Variants in EIF3H observed in about 807,000 individuals in gnomAD.
The protein encoded by EIF3H is eIF-3-gamma.
In EIF3H, 26 loss-of-function variants were observed where a neutral mutation model predicts 44.2. The ratio of observed to expected loss-of-function variants is 0.59; its 90% CI spans 0.43 to 0.82. The LOEUF (loss-of-function observed/expected upper bound fraction) is 0.82. Ranked by LOEUF, EIF3H falls within the 40% of genes least tolerant of loss-of-function variation. EIF3H has a pLI of 0.00. For missense variants in EIF3H, 359 were observed against 432.8 expected, an observed-to-expected ratio of 0.83 and a Z score of 1.51; for synonymous variants, 166 against 151.9, an observed-to-expected ratio of 1.09 and a Z score of -0.68.
At chr8:116,691,824 A>G (rs1814180441) in intron 2 of EIF3H, among the ~76,000 whole-genome samples, 1 of 150,710 alleles carries the variant, frequency 6.6e-6, no homozygotes, top group Admixed American at 6.7e-5. Flanking sequence ...GCAAGCAGAG[A>G]TCACGCCACT....
intron 2 of EIF3H, among the ~76,000 whole-genome samples, chr8:116,678,528 C>T (rs1274821629): frequency 8.5e-4 from 127 of 149,954 alleles, no homozygotes; most frequent in African/African-American, 2.9e-3. Flanking sequence ...GCCCGGCCGC[C>T]ATCCCATCTA....
intron 2 of EIF3H, among the ~76,000 whole-genome samples, chr8:116,684,117 A>G (rs1015504416): frequency 3.9e-5 from 6 of 152,222 alleles, no homozygotes; most frequent in Non-Finnish European, 7.3e-5. Flanking sequence ...TTTCTGCAAA[A>G]AGAACTAGTC....
chr8:116,681,015 G>A (rs1325918382), intron 2 of EIF3H, among the ~76,000 whole-genome samples: 11 of 150,962 alleles, frequency 7.3e-5, no homozygotes, highest in Admixed American at 2.0e-4. Context: ...AATAATGATC[G>A]TGATGAGGAT....
chr8:116,748,555 ACAC>A lies in EIF3H; in HGVS notation c.132+7108_132+7110del, dbSNP rs568271946. 1.6e-3 allele frequency among the ~76,000 whole-genome samples: 248 copies of A among 152,342 alleles called. 1 individual carries two copies. Among genetic ancestry groups the A allele is most frequent in the African/African-American group, 5.4e-3 (224 of 41,570 alleles). On this transcript the variant is annotated intron_variant, in intron 1 of 7. Coordinates refer to ENST00000521861, the MANE Select transcript of EIF3H (RefSeq NM_003756.3). ...ATGATTGATTTTCAAGAAAATTTCC[ACAC>A]AACAGGAGTATATTCATTCATTCAC... is the stretch of plus-strand genomic sequence containing the variant.
intron 2 of EIF3H, among the ~76,000 whole-genome samples, chr8:116,715,611 C>T (rs10505287): frequency 0.89 from 135,245 of 152,154 alleles, 60,407 homozygotes; most frequent in African/African-American, 0.96. Flanking sequence ...TTGGCTCTGA[C>T]GCAAAATAAA....
At chr8:116,690,582 T>C (rs1814157553) in intron 2 of EIF3H, among the ~76,000 whole-genome samples, 1 of 152,126 alleles carries the variant, frequency 6.6e-6, no homozygotes. Flanking sequence ...GCTAAGGCAC[T>C]TACTGAAAAG....
At chr8:116,750,025 T>C (rs1424163386) in intron 1 of EIF3H, among the ~76,000 whole-genome samples, 1 of 152,290 alleles carries the variant, frequency 6.6e-6, no homozygotes, top group Non-Finnish European at 1.5e-5. Context: ...AATCTCTGGG[T>C]TCATCTACAT....
At chr8:116,688,626 C>G (rs987379054) in intron 2 of EIF3H, among the ~76,000 whole-genome samples, 13 of 152,064 alleles carry the variant, frequency 8.5e-5, no homozygotes, top group Non-Finnish European at 1.5e-4. Flanking sequence ...TACTGGCTAC[C>G]TGAAAATAAG....
Position 116,719,144 on chromosome 8 carries a change from C to T in EIF3H, c.289+6872G>A, listed in dbSNP as rs1814702621. ...ATTGGATCACATCACAATTCACTGT[C>T]TTTGTGAGGACAACGGATTGAGAAA... is the stretch of plus-strand genomic sequence containing the variant. On this transcript the variant is annotated intron_variant, in intron 2 of 7. Transcript: ENST00000521861. 2.0e-5 allele frequency among the ~76,000 whole-genome samples: 3 copies of T among 152,170 alleles called. No homozygotes were observed. The South Asian group carries it at 6.2e-4, about 32-fold the overall frequency.
upstream of EIF3H, among the ~76,000 whole-genome samples, chr8:116,760,396 G>A (rs1210220808): frequency 6.6e-6 from 1 of 152,178 alleles, no homozygotes; most frequent in Non-Finnish European, 1.5e-5. Context: ...GAAGAGCTAG[G>A]TAATTTGTTC....
intron 2 of EIF3H, among the ~76,000 whole-genome samples, chr8:116,690,650 T>C (rs16888650): frequency 0.053 from 8,074 of 152,286 alleles, 715 homozygotes; most frequent in African/African-American, 0.18. Flanking sequence ...CTAATCCTTG[T>C]AGACTGCTAT....
At chr8:116,726,845 G>C (rs1814850074) in intron 1 of EIF3H, among the ~76,000 whole-genome samples, 2 of 152,102 alleles carry the variant, frequency 1.3e-5, no homozygotes, top group Non-Finnish European at 2.9e-5. Flanking sequence ...CCGTGCACAG[G>C]TGGACAAGAA....
chr8:116,711,696 T>C (rs1814574932), intron 2 of EIF3H, among the ~76,000 whole-genome samples: 1 of 152,224 alleles, frequency 6.6e-6, no homozygotes, highest in Non-Finnish European at 1.5e-5. Context: ...GATACACAGT[T>C]ACGTAAATAT....
At chr8:116,652,824 T>G (rs1813418132) in intron 5 of EIF3H, among the ~76,000 whole-genome samples, 1 of 145,820 alleles carries the variant, frequency 6.9e-6, no homozygotes, top group African/African-American at 2.5e-5. Context: ...AAGGAAGGAG[T>G]AGATCAACCT....
Position 116,643,012 on chromosome 8 carries a change from AAAT to A in EIF3H, c.*1991_*1993del, listed in dbSNP as rs1430748392. On this transcript the variant is annotated 3_prime_UTR_variant, in exon 8 of 8. Coordinates refer to ENST00000521861, the MANE Select transcript of EIF3H (RefSeq NM_003756.3). The stretch of plus-strand genomic sequence containing the variant: ...CAGTTAAATTACTCTTAATCCTAAA[AAAT>A]ACATAAGTTATGTTCCAACTGATTT... 2 of 152,250 alleles carry A rather than the reference AAAT, an allele frequency of 1.3e-5. No homozygotes were observed. Among genetic ancestry groups the A allele is most frequent in the Non-Finnish European group, 2.9e-5 (2 of 68,040 alleles). The allele number at this position is 152,250 out of a possible 1,614,324, so 9.4% of individuals were successfully genotyped here.
Position 116,720,953 on chromosome 8 carries a change from C to T in EIF3H, c.289+5063G>A, listed in dbSNP as rs144910061. On this transcript the variant is annotated intron_variant, in intron 2 of 7. Coordinates refer to ENST00000521861, the MANE Select transcript of EIF3H (RefSeq NM_003756.3). Reference sequence around the variant, plus strand: ...GTATAAAAGTTTGGAAAATTTGCAGCCTAACAATGCGATAGAAAAGAAAAG... The same window carrying T: ...GTATAAAAGTTTGGAAAATTTGCAGTCTAACAATGCGATAGAAAAGAAAAG... Among the ~76,000 whole-genome samples the T allele has an allele frequency of 6.1e-4, 92 of 152,014 alleles. No individual in the cohort carries two copies. The East Asian group carries it at 0.017, about 28-fold the overall frequency.
chr8:116,754,167 G>A (rs1388346474), intron 1 of EIF3H, among the ~76,000 whole-genome samples: 1 of 151,764 alleles, frequency 6.6e-6, no homozygotes, highest in Non-Finnish European at 1.5e-5. Flanking sequence ...AGGCTGGAGT[G>A]CAGTGGCACA....
chr8:116,647,042 T>C (rs1586429342), intron 6 of EIF3H, among the ~76,000 whole-genome samples: 1 of 152,148 alleles, frequency 6.6e-6, no homozygotes, highest in South Asian at 2.1e-4. Context: ...ACAATACAGA[T>C]GATGTTATTA....
chr8:116,663,892 C>T (rs1191422260), intron 2 of EIF3H, among the ~76,000 whole-genome samples: 1 of 146,128 alleles, frequency 6.8e-6, no homozygotes, highest in African/African-American at 2.6e-5. Context: ...GATCACACCA[C>T]TGCACTCCAG....
Sources: allele counts gnomAD v4.1 joint callset (sites outside exome capture counted in the v4.1 genomes callset), GRCh38; gene constraint gnomAD v4.1.1; transcripts MANE v1.5; gene names NCBI Gene and HGNC (gene_info 2026-07-23, HGNC 2026-07-21).